The following PCLO variants were observed in gnomAD, a reference collection of about 807,000 sequenced individuals.
PCLO encodes protein piccolo.
In PCLO, 82 loss-of-function variants were observed where a neutral mutation model predicts 427.5. The ratio of observed to expected loss-of-function variants is 0.19; its 90% confidence interval spans 0.16 to 0.23. PCLO has a LOEUF of 0.23. Ranked by LOEUF, PCLO falls within the 10% of genes least tolerant of loss-of-function variation. PCLO has a pLI of 1.00. For synonymous variants in PCLO, 2,357 were observed against 2,155.4 expected, an observed-to-expected ratio of 1.09 and a Z score of -2.59; for missense variants, 6,239 against 6,115.9, an observed-to-expected ratio of 1.02 and a Z score of -0.67.
chr7:83,118,233 C>A (rs571523365), intron 3 of PCLO, among the ~76,000 whole-genome samples: 1 of 152,038 alleles, frequency 6.6e-6, no homozygotes, highest in African/African-American at 2.4e-5. Flanking sequence ...ATTTTTATAA[C>A]ATAAATGTGA....
intron 9 of PCLO, among the ~76,000 whole-genome samples, chr7:82,883,092 C>T (rs1226719538): frequency 6.6e-6 from 1 of 152,050 alleles, no homozygotes; most frequent in Non-Finnish European, 1.5e-5. Flanking sequence ...AATGAACATA[C>T]TGTATCTTAT....
At position 82,876,455 on chromosome 7, in the gene PCLO, T is replaced by TACACACACACACACAC. The variant is rs35270740; in HGVS notation, c.13654+2866_13654+2881dup. Among the ~76,000 whole-genome samples, 547 of 143,194 alleles carry TACACACACACACACAC rather than the reference T, an allele frequency of 3.8e-3. 2 individuals are homozygous for TACACACACACACACAC. Among genetic ancestry groups the TACACACACACACACAC allele is most frequent in the African/African-American group, 0.014 (526 of 38,114 alleles). The allele number at this position is 143,194 out of a possible 152,430, so 93.9% of individuals were successfully genotyped here. A position where few individuals can be genotyped will look rare whatever the true frequency, so the allele number is the denominator to read the frequency against. On this transcript the variant is annotated intron_variant, in intron 10 of 24. Transcript: ENST00000333891. ...ACAGAACTATAGACAAAAACAAGTA[T>TACACACACACACACAC]ACACACACACACACACACACACACA...
At chr7:82,933,282 GC>G (rs1479870496) in intron 6 of PCLO, among the ~76,000 whole-genome samples, 1 of 151,964 alleles carries the variant, frequency 6.6e-6, no homozygotes, top group African/African-American at 2.4e-5. Flanking sequence ...TTGTAATAGT[GC>G]TTCAAGATTT....
chr7:82,996,027 T>C (rs1796488196), intron 3 of PCLO, among the ~76,000 whole-genome samples: 1 of 151,870 alleles, frequency 6.6e-6, no homozygotes, highest in Non-Finnish European at 1.5e-5. Flanking sequence ...CTATTTTTTA[T>C]AAGTTACATG....
intron 3 of PCLO, among the ~76,000 whole-genome samples, chr7:83,097,587 G>GT (rs1385356421): frequency 6.8e-6 from 1 of 147,096 alleles, no homozygotes; most frequent in Non-Finnish European, 1.5e-5. Flanking sequence ...TTTGTATTAG[G>GT]TTAAAGGGCT....
At chr7:82,778,768 A>G (rs1177246295) in intron 22 of PCLO, among the ~76,000 whole-genome samples, 1 of 151,898 alleles carries the variant, frequency 6.6e-6, no homozygotes, top group African/African-American at 2.4e-5. Flanking sequence ...TTTTTTTATA[A>G]ATAAAGTTTC....
At chr7:83,043,480 T>A (rs1789021434) in intron 3 of PCLO, among the ~76,000 whole-genome samples, 1 of 152,226 alleles carries the variant, frequency 6.6e-6, no homozygotes, top group Non-Finnish European at 1.5e-5. Context: ...GGAAAATGTA[T>A]TGGATATTTG....
chr7:82,869,262 T>G (rs1793172717), intron 10 of PCLO, among the ~76,000 whole-genome samples: 1 of 152,140 alleles, frequency 6.6e-6, no homozygotes, highest in Admixed American at 6.6e-5. Context: ...TTAATAAGTT[T>G]AACAATTGCT....
intron 3 of PCLO, among the ~76,000 whole-genome samples, chr7:83,033,109 C>A (rs1252261474): frequency 3.3e-5 from 5 of 152,124 alleles, no homozygotes; most frequent in African/African-American, 7.2e-5. Context: ...CTTCACCCTT[C>A]TGTCAGATTA....
chr7:82,794,450 A>ATTTTTTTTGTTTTTTTT (rs141105612), intron 22 of PCLO, among the ~76,000 whole-genome samples: 1 of 62,030 alleles, frequency 1.6e-5, no homozygotes, highest in Non-Finnish European at 3.9e-5. Context: ...TAGTTCATAA[A>ATTTTTTTTGTTTTTTTT]TTTTTTTTCT....
At chr7:82,804,569 C>T (rs759301207) in intron 21 of PCLO, among the ~76,000 whole-genome samples, 2 of 152,084 alleles carry the variant, frequency 1.3e-5, no homozygotes, top group African/African-American at 4.8e-5. Context: ...GAAAAAGACC[C>T]TTTCACAACC....
intron 3 of PCLO, among the ~76,000 whole-genome samples, chr7:83,074,607 T>C (rs75450912): frequency 0.011 from 1,604 of 152,240 alleles, 22 homozygotes; most frequent in African/African-American, 0.036. Flanking sequence ...GAACAATGAT[T>C]GATGAATTTC....
chr7:82,955,937 G>C lies in PCLO; in HGVS notation c.5016C>G (p.Leu1672=). 1 of 1,613,752 alleles carries C rather than the reference G, an allele frequency of 6.2e-7. No homozygotes were observed. The highest frequency in any genetic ancestry group is 8.5e-7 in the Non-Finnish European group (1 of 1,179,840). Reference sequence around the variant, plus strand: ...AATATTTATCTGCTATTGTACTGTTGAGCTCAATTGTTTTAAATCGGCGTA... The same window carrying C: ...AATATTTATCTGCTATTGTACTGTTCAGCTCAATTGTTTTAAATCGGCGTA... ...GGLRRFKTIE[L]NSTIADKYSA... The change falls in exon 5 of 25, where the codon CTC becomes CTG. Residue 1672 remains leucine, a synonymous_variant. Transcript: ENST00000333891.
intron 3 of PCLO, among the ~76,000 whole-genome samples, chr7:83,060,392 G>A (rs1002073642): frequency 6.6e-6 from 1 of 152,070 alleles, no homozygotes; most frequent in Non-Finnish European, 1.5e-5. Context: ...TGACCTTGCT[G>A]CTCATTATTG....
Position 82,765,427 on chromosome 7 carries a change from A to T in PCLO, c.15008-3934T>A, listed in dbSNP as rs1006152841. Reference sequence around the variant, plus strand: ...CTAAAATTAATAAAGTAGGGAACAGAAAAAAAGTAGATAAAATTAATAAAT... The same window carrying T: ...CTAAAATTAATAAAGTAGGGAACAGTAAAAAAGTAGATAAAATTAATAAAT... On this transcript the variant is annotated intron_variant, in intron 22 of 24. Transcript: ENST00000333891. Among the ~76,000 whole-genome samples the T allele has an allele frequency of 6.0e-5, 8 of 132,430 alleles. No individual in the cohort carries two copies. In the East Asian group the frequency reaches 7.6e-4, roughly 13 times the overall value. 86.9% of individuals were successfully genotyped at this position (132,430 alleles called of 152,430 possible).
At chr7:82,972,062 C>T (rs1305695755) in intron 3 of PCLO, among the ~76,000 whole-genome samples, 1 of 151,812 alleles carries the variant, frequency 6.6e-6, no homozygotes, top group African/African-American at 2.4e-5. Context: ...CATTAATAAT[C>T]AGGGTATCAA....
chr7:83,013,082 G>A (rs1041991215), intron 3 of PCLO, among the ~76,000 whole-genome samples: 25 of 152,056 alleles, frequency 1.6e-4, no homozygotes, highest in African/African-American at 5.8e-4. Context: ...TAATTCCTAA[G>A]ATCATATACA....
intron 3 of PCLO, among the ~76,000 whole-genome samples, chr7:83,057,800 G>T (rs928535804): frequency 1.3e-5 from 2 of 151,918 alleles, no homozygotes; most frequent in African/African-American, 4.8e-5. Context: ...CTTACATTTT[G>T]CATATTTTAT....
chr7:82,776,928 A>T (rs557209685), intron 22 of PCLO, among the ~76,000 whole-genome samples: 2 of 151,852 alleles, frequency 1.3e-5, no homozygotes, highest in Non-Finnish European at 1.5e-5. Flanking sequence ...ACACACACAC[A>T]CACATACACA....
Sources: gnomAD v4.1 joint callset for allele counts (sites outside exome capture counted in the v4.1 genomes callset) on GRCh38, gnomAD v4.1.1 for gene constraint, MANE v1.5 for transcripts, NCBI Gene and HGNC (gene_info 2026-07-23, HGNC 2026-07-21) for gene names.